DHRSX: variants seen among roughly 807,000 people sequenced by gnomAD.
The protein encoded by DHRSX is dehydrogenase/reductase X-linked, also known as polyprenol dehydrogenase.
Under a neutral mutation model 34.0 loss-of-function variants are expected in DHRSX, and 31 were observed. The observed-to-expected ratio is 0.91, with a 90% confidence interval of 0.69 to 1.23. DHRSX has a LOEUF of 1.23. Ranked by LOEUF, DHRSX falls within the 50% of genes most tolerant of loss-of-function variation. The pLI, the probability that DHRSX is intolerant of heterozygous loss-of-function variation, is 0.00. For synonymous variants in DHRSX, 201 were observed against 183.8 expected, an observed-to-expected ratio of 1.09 and a Z score of -0.76; for missense variants, 414 against 428.1, an observed-to-expected ratio of 0.97 and a Z score of 0.29.
In DHRSX at chrX:2,221,026, T is replaced by A. The variant is rs1569475413; in HGVS notation, c.*15A>T. 6.2e-7 allele frequency: 1 copy of A among 1,612,422 alleles called. No homozygotes were observed. The highest frequency in any genetic ancestry group is 1.7e-5 in the Admixed American group (1 of 59,920). ...AATGTGTTTCTTGGGGCAGCAGCTATCCTGAGACAGGATATCACAGGGTCA... is the reference window on the plus strand; with the variant it reads ...AATGTGTTTCTTGGGGCAGCAGCTAACCTGAGACAGGATATCACAGGGTCA... On this transcript the variant is annotated 3_prime_UTR_variant, in exon 7 of 7. Transcript: ENST00000334651.
At chrX:2,284,195 CA>C (rs2017467647) in intron 4 of DHRSX, among the ~76,000 whole-genome samples, 1 of 146,452 alleles carries the variant, frequency 6.8e-6, no homozygotes, top group Non-Finnish European at 1.5e-5. Context: ...CCTTTCAATT[CA>C]TTTAGTCCTT....
chrX:2,260,460 ATTT>A (rs772144524), intron 5 of DHRSX, among the ~76,000 whole-genome samples: 12 of 124,138 alleles, frequency 9.7e-5, no homozygotes, highest in South Asian at 2.6e-4. Flanking sequence ...TTTCTACTTC[ATTT>A]TTTTTTTTTT....
At chrX:2,324,464 A>C (rs749187782) in intron 3 of DHRSX, among the ~76,000 whole-genome samples, 1 of 152,070 alleles carries the variant, frequency 6.6e-6, no homozygotes, top group Admixed American at 6.6e-5. Flanking sequence ...CCTCTTTCCA[A>C]CGTTGCCCTT....
chrX:2,335,095 G>A (rs1272608897), intron 3 of DHRSX, among the ~76,000 whole-genome samples: 3 of 150,956 alleles, frequency 2.0e-5, no homozygotes, highest in East Asian at 3.9e-4. Context: ...TGAGGCAGGG[G>A]AATCGCTGGA....
At chrX:2,375,119 T>C (rs2043124963) in intron 3 of DHRSX, among the ~76,000 whole-genome samples, 1 of 138,112 alleles carries the variant, frequency 7.2e-6, no homozygotes, top group Admixed American at 7.2e-5. Flanking sequence ...TCCTGCATTC[T>C]TCAGACAACA....
chrX:2,356,174 G>A (rs752539062), intron 3 of DHRSX, among the ~76,000 whole-genome samples: 10 of 152,032 alleles, frequency 6.6e-5, no homozygotes, highest in African/African-American at 1.7e-4. Context: ...TCGGGAGTTC[G>A]AGACCAGGCA....
chrX:2,382,972 T>A (rs1569495785), intron 3 of DHRSX, among the ~76,000 whole-genome samples: 1 of 61,784 alleles, frequency 1.6e-5, no homozygotes, highest in Non-Finnish European at 3.9e-5. Context: ...ACCATCACCA[T>A]CATCACCATC....
intron 1 of DHRSX, among the ~76,000 whole-genome samples, chrX:2,465,809 CAAA>C (rs375728172): frequency 0.016 from 1,370 of 84,708 alleles, 36 homozygotes; most frequent in African/African-American, 0.056. Context: ...AACTCCATCG[CAAA>C]AAAAAAAAAA....
chrX:2,450,583 G>A lies in DHRSX; in HGVS notation c.110-25279C>T, dbSNP rs755404549. On this transcript the variant is annotated intron_variant, in intron 1 of 6. Transcript: ENST00000334651. ...TACATGTCAGAAAAAGGAAAGGTGG[G>A]CTTTCCCAGGTTCTGCGTACCACCT... Among the ~76,000 whole-genome samples, 8 of 152,190 alleles carry A rather than the reference G, an allele frequency of 5.3e-5. No individual in the cohort carries two copies. In the South Asian group the frequency reaches 1.7e-3, roughly 32 times the overall value.
intron 5 of DHRSX, among the ~76,000 whole-genome samples, chrX:2,248,426 C>G (rs1427565002): frequency 4.2e-5 from 4 of 94,774 alleles, no homozygotes; most frequent in African/African-American, 1.2e-4. Flanking sequence ...GAGCGAGACT[C>G]TGTCTCAAAA....
chrX:2,268,805 AAC>A (rs1180863511), intron 4 of DHRSX, among the ~76,000 whole-genome samples: 2 of 152,352 alleles, frequency 1.3e-5, no homozygotes, highest in East Asian at 1.9e-4. Flanking sequence ...TACACCTACA[AAC>A]ACACAGCATT....
chrX:2,282,898 A>G (rs1176890355), intron 4 of DHRSX, among the ~76,000 whole-genome samples: 1 of 148,292 alleles, frequency 6.7e-6, no homozygotes, highest in South Asian at 2.2e-4. Flanking sequence ...AGGAGGGAGA[A>G]GGGAGGTCGA....
chrX:2,372,612 GT>G (rs71950336), intron 3 of DHRSX, among the ~76,000 whole-genome samples: 53,127 of 144,470 alleles, frequency 0.37, 10,679 homozygotes, highest in Non-Finnish European at 0.48. Flanking sequence ...TTCCTTCTTT[GT>G]TTTTTTTTTT....
intron 3 of DHRSX, among the ~76,000 whole-genome samples, chrX:2,331,806 G>A (rs977797584): frequency 3.9e-5 from 6 of 151,984 alleles, no homozygotes; most frequent in South Asian, 2.1e-4. Context: ...AAACAGCATC[G>A]CTTGATACAG....
chrX:2,304,992 G>A (rs1026978942), intron 3 of DHRSX, among the ~76,000 whole-genome samples: 10 of 151,912 alleles, frequency 6.6e-5, no homozygotes, highest in Admixed American at 3.3e-4. Context: ...TAAAAAAAAT[G>A]GTACATATAC....
chrX:2,441,371 C>T (rs1322029139), intron 1 of DHRSX, among the ~76,000 whole-genome samples: 1 of 152,136 alleles, frequency 6.6e-6, no homozygotes, highest in Non-Finnish European at 1.5e-5. Context: ...TCCTTCCATT[C>T]CCTGGATGCT....
intron 1 of DHRSX, among the ~76,000 whole-genome samples, chrX:2,431,485 T>C (rs761756671): frequency 6.6e-6 from 1 of 152,194 alleles, no homozygotes; most frequent in South Asian, 2.1e-4. Context: ...TTCCCTTGGG[T>C]AGATACCCAG....
chrX:2,267,914 C>G (rs2041497019), intron 4 of DHRSX, among the ~76,000 whole-genome samples: 1 of 151,996 alleles, frequency 6.6e-6, no homozygotes, highest in Non-Finnish European at 1.5e-5. Context: ...GCTACTGCAC[C>G]CCAGCCTGGG....
intron 3 of DHRSX, among the ~76,000 whole-genome samples, chrX:2,302,441 A>G (rs2042023712): frequency 6.6e-6 from 1 of 151,994 alleles, no homozygotes; most frequent in African/African-American, 2.4e-5. Flanking sequence ...GTGAAACTGC[A>G]TCTCTACTAA....
Sources: gnomAD v4.1 joint callset for allele counts (sites outside exome capture counted in the v4.1 genomes callset) on GRCh38, gnomAD v4.1.1 for gene constraint, MANE v1.5 for transcripts, NCBI Gene and HGNC (gene_info 2026-07-23, HGNC 2026-07-21) for gene names.